The following RAB31 variants were observed in gnomAD, a reference collection of about 807,000 sequenced individuals.
RAB31 encodes the protein RAB31, member RAS oncogene family.
Under a neutral mutation model 25.6 loss-of-function variants are expected in RAB31, and 21 were observed. The ratio of observed to expected loss-of-function variants is 0.82; its 90% confidence interval spans 0.58 to 1.18. The LOEUF (loss-of-function observed/expected upper bound fraction) is 1.18. Among genes scored for constraint, RAB31 ranks in the 50% most tolerant of loss-of-function variants. RAB31 has a pLI of 0.00. For synonymous variants in RAB31, 87 were observed against 84.0 expected, an observed-to-expected ratio of 1.04 and a Z score of -0.20; for missense variants, 196 against 250.1, an observed-to-expected ratio of 0.78 and a Z score of 1.46.
rs751284896 is a variant in RAB31, at chr18:9,792,211, C to A, written c.177C>A (p.Ile59=). 52 of 1,612,460 alleles carry A rather than the reference C, an allele frequency of 3.2e-5. No individual in the cohort carries two copies. Among genetic ancestry groups the A allele is most frequent in the Non-Finnish European group, 4.1e-5 (48 of 1,179,276 alleles). The part of the protein sequence containing the change: ...PCGNELHKFL[I]WDTAGQERFH... ...GAAATGAACTTCACAAGTTCCTCATCTGGGACACTGCTGGTCAGGAACGGG... is the reference window on the plus strand; with the variant it reads ...GAAATGAACTTCACAAGTTCCTCATATGGGACACTGCTGGTCAGGAACGGG... The change falls in exon 3 of 7, where the codon ATC becomes ATA. Residue 59 remains isoleucine, a synonymous_variant. Transcript: ENST00000578921.
At chr18:9,812,101 C>T (rs950661386) in intron 3 of RAB31, among the ~76,000 whole-genome samples, 4 of 152,162 alleles carry the variant, frequency 2.6e-5, no homozygotes, top group South Asian at 2.1e-4. Flanking sequence ...GAAGGGAGAT[C>T]TGGTCTCCTT....
chr18:9,843,129 G>A (rs1242110860), intron 5 of RAB31, among the ~76,000 whole-genome samples: 1 of 152,176 alleles, frequency 6.6e-6, no homozygotes, highest in Non-Finnish European at 1.5e-5. Context: ...TGCGGGCCCA[G>A]AGGCATCCTT....
intron 6 of RAB31, among the ~76,000 whole-genome samples, chr18:9,849,318 A>G (rs1413686851): frequency 1.3e-5 from 2 of 152,166 alleles, no homozygotes; most frequent in African/African-American, 4.8e-5. Context: ...TGTATTACCC[A>G]TGAAGCTGAG....
intron 5 of RAB31, among the ~76,000 whole-genome samples, chr18:9,845,352 C>T (rs189212826): frequency 6.5e-4 from 99 of 152,302 alleles, no homozygotes; most frequent in African/African-American, 2.3e-3. Flanking sequence ...TCTGTGGGAG[C>T]AGGAACACTA....
chr18:9,792,205 C>T lies in RAB31; in HGVS notation c.171C>T (p.Phe57=), dbSNP rs762570900. ...CTTGTGGAAATGAACTTCACAAGTTCCTCATCTGGGACACTGCTGGTCAGG... is the reference window on the plus strand; with the variant it reads ...CTTGTGGAAATGAACTTCACAAGTTTCTCATCTGGGACACTGCTGGTCAGG... ...TVPCGNELHK[F]LIWDTAGQER... is the part of the protein sequence containing the mutation. Residue 57 remains phenylalanine (F), a synonymous_variant, in exon 3 of 7, where the codon TTC becomes TTT. Transcript: ENST00000578921. 6.8e-6 allele frequency: 11 copies of T among 1,612,516 alleles called. No homozygotes were observed. The highest frequency in any genetic ancestry group is 1.7e-4 in the Middle Eastern group (1 of 6,054).
chr18:9,855,858 T>C (rs895152993), intron 6 of RAB31, among the ~76,000 whole-genome samples: 11 of 152,214 alleles, frequency 7.2e-5, no homozygotes, highest in Middle Eastern at 3.4e-3. Context: ...TCACACAGCA[T>C]TTCTCCCCGC....
intron 3 of RAB31, 54 bp from the exon 4 acceptor site, chr18:9,813,966 G>T: frequency 3.2e-6 from 4 of 1,238,016 alleles, no homozygotes; most frequent in Non-Finnish European, 3.5e-6. Flanking sequence ...TTTAATTTGG[G>T]ATTGAATAAA....
chr18:9,816,812 C>T (rs2068601303), intron 5 of RAB31, among the ~76,000 whole-genome samples: 2 of 152,188 alleles, frequency 1.3e-5, no homozygotes, highest in Non-Finnish European at 2.9e-5. Context: ...ATTTAATTCT[C>T]AGGAATTCTA....
At chr18:9,842,160 G>A (rs760128390) in intron 5 of RAB31, among the ~76,000 whole-genome samples, 30 of 152,198 alleles carry the variant, frequency 2.0e-4, no homozygotes, top group Non-Finnish European at 3.4e-4. Flanking sequence ...ACACCAGTGT[G>A]CTCAGCAGCC....
chr18:9,749,559 T>C (rs761313395), intron 1 of RAB31, among the ~76,000 whole-genome samples: 2 of 152,198 alleles, frequency 1.3e-5, no homozygotes, highest in Non-Finnish European at 2.9e-5. Context: ...TTCCCTAAGG[T>C]GTGTGTGCCC....
Position 9,766,352 on chromosome 18 carries a change from G to A in RAB31, c.40-8926G>A, listed in dbSNP as rs895699722. 2.0e-5 allele frequency among the ~76,000 whole-genome samples: 3 copies of A among 152,166 alleles called. No homozygotes were observed. The highest frequency in any genetic ancestry group is 4.8e-5 in the African/African-American group (2 of 41,448). On this transcript the variant is annotated intron_variant, in intron 1 of 6. Coordinates refer to ENST00000578921, the MANE Select transcript of RAB31 (RefSeq NM_006868.4). The surrounding 1 kb of genome is among the most constrained non-coding windows in gnomAD (Gnocchi z 4.3). ...CCCGGAGTGGGTGAGCCAGGCAAGC[G>A]TGGCACTGCCCTCATTACTATGCAC... is the stretch of plus-strand genomic sequence containing the variant.
intron 1 of RAB31, among the ~76,000 whole-genome samples, chr18:9,761,934 G>GTTTTCCC (rs776884851): frequency 3.9e-5 from 6 of 152,128 alleles, no homozygotes; most frequent in Non-Finnish European, 5.9e-5. Flanking sequence ...AGCCTCCCAA[G>GTTTTCCC]TAGCTGGGAT....
chr18:9,739,395 C>G (rs1173444369), intron 1 of RAB31, among the ~76,000 whole-genome samples: 1 of 152,140 alleles, frequency 6.6e-6, no homozygotes, highest in South Asian at 2.1e-4. Context: ...TGGCGTGAAC[C>G]TGGGAGGCAG....
intron 1 of RAB31, among the ~76,000 whole-genome samples, chr18:9,736,786 T>C (rs1199775483): frequency 6.6e-6 from 1 of 152,202 alleles, no homozygotes. Flanking sequence ...CTTGGCTTTG[T>C]AAATTTTGTG....
chr18:9,715,218 A>G (rs75412087), intron 1 of RAB31, among the ~76,000 whole-genome samples: 18,626 of 151,870 alleles, frequency 0.12, 1,209 homozygotes, highest in Middle Eastern at 0.22. Flanking sequence ...TTCTTGGAGT[A>G]GGAAGGATTT....
chr18:9,720,674 CT>C (rs796200232), intron 1 of RAB31, among the ~76,000 whole-genome samples: 1,699 of 133,932 alleles, frequency 0.013, 8 homozygotes, highest in African/African-American at 0.017. Context: ...GTAATTTTCT[CT>C]TTTTTTTTTT....
intron 3 of RAB31, among the ~76,000 whole-genome samples, chr18:9,794,083 C>T (rs1469832555): frequency 1.4e-4 from 21 of 152,040 alleles, no homozygotes; most frequent in Admixed American, 2.6e-4. Context: ...TTTGTAGAGA[C>T]GAGGTCTTGC....
rs937671136 is a variant in RAB31 at position 9,775,444 on chromosome 18, A to T, written c.119+87A>T. On this transcript the variant is annotated intron_variant, in intron 2 of 6. Coordinates refer to ENST00000578921, the MANE Select transcript of RAB31 (RefSeq NM_006868.4). ...TCTGTCTGTGCCTGAGCCTTCAGGC[A>T]GGGCCACAGTTTTCATCCCAGCCAG... 8 of 1,573,140 alleles carry T rather than the reference A, an allele frequency of 5.1e-6. No individual in the cohort carries two copies. The African/African-American group carries it at 1.1e-4, about 21-fold the overall frequency.
intron 5 of RAB31, among the ~76,000 whole-genome samples, chr18:9,827,881 G>A (rs1483938443): frequency 6.6e-6 from 1 of 152,188 alleles, no homozygotes; most frequent in South Asian, 2.1e-4. Context: ...AGCCAAGAAA[G>A]GGGGTGGGGA....
Sources: gnomAD v4.1 joint callset for allele counts (sites outside exome capture counted in the v4.1 genomes callset) on GRCh38, gnomAD v4.1.1 for gene constraint, Gnocchi (gnomAD v3.1) non-coding constraint, MANE v1.5 for transcripts, NCBI Gene and HGNC (gene_info 2026-07-23, HGNC 2026-07-21) for gene names.